KCNQ1OT1: variants seen among roughly 807,000 people sequenced by gnomAD.
KCNQ1OT1 encodes the protein KCNQ1 opposite strand/antisense transcript 1, also known as KCNQ1 antisense RNA 2 (non-protein coding).
In KCNQ1OT1 at chr11:2,644,427, G is replaced by C. The variant is rs141541247; in HGVS notation, n.55568C>G. On this transcript the variant is annotated non_coding_transcript_exon_variant, in exon 1 of 1. Transcript: ENST00000597346. ...TTATTCAATTCCAGAATATCTGTTT[G>C]GTTCTTTTTATATCTATCTCTTGGG... The C allele has an allele frequency of 1.4e-3, 565 of 398,030 alleles. 5 individuals carry two copies. The East Asian group carries it at 0.019, about 13-fold the overall frequency. The allele number at this position is 398,030 out of a possible 1,614,324, so 24.7% of individuals were successfully genotyped here.
In KCNQ1OT1 at chr11:2,661,510, G is replaced by A. The variant is rs1849955659; in HGVS notation, n.38485C>T. 4.3e-6 allele frequency: 2 copies of A among 464,478 alleles called. No homozygotes were observed. Among genetic ancestry groups the A allele is most frequent in the Admixed American group, 3.7e-5 (1 of 27,034 alleles). 28.8% of individuals were successfully genotyped at this position (464,478 alleles called of 1,614,324 possible). ...GGCTTGCCATTCCTCATGGGTCAGAGGTCCTATCACCCCATCTTTCCTGAC... is the reference window on the plus strand; with the variant it reads ...GGCTTGCCATTCCTCATGGGTCAGAAGTCCTATCACCCCATCTTTCCTGAC... On this transcript the variant is annotated non_coding_transcript_exon_variant, in exon 1 of 1. Coordinates refer to ENST00000597346, the Ensembl canonical transcript of KCNQ1OT1. The surrounding 1 kb of genome is among the most constrained non-coding windows in gnomAD (Gnocchi z 5.9).
At chr11:2,637,081 A>G (rs1396821873) in exon 1 of KCNQ1OT1, 5 of 151,202 alleles carry the variant, frequency 3.3e-5, no homozygotes, top group African/African-American at 1.2e-4. Flanking sequence ...TCTCTTCTTT[A>G]TTAGTCTTGC....
In KCNQ1OT1 at chr11:2,682,442, G is replaced by A. The variant is rs945080229; in HGVS notation, n.17553C>T. 7.5e-6 allele frequency: 3 copies of A among 398,324 alleles called. No individual in the cohort carries two copies. Among genetic ancestry groups the A allele is most frequent in the African/African-American group, 6.2e-5 (3 of 48,490 alleles). The allele number at this position is 398,324 out of a possible 1,614,324, so 24.7% of individuals were successfully genotyped here. Reference sequence around the variant, plus strand: ...TTTATCTTCAGTGCTTAATCCATATGGAGCCTGTCACGGACCCTCAGTGAA... The same window carrying A: ...TTTATCTTCAGTGCTTAATCCATATAGAGCCTGTCACGGACCCTCAGTGAA... On this transcript the variant is annotated non_coding_transcript_exon_variant, in exon 1 of 1. Transcript: ENST00000597346. This position sits in a 1 kb window ranked among gnomAD's most constrained non-coding sequence, Gnocchi z 5.8.
At chr11:2,628,881 C>G (rs577966646) in exon 1 of KCNQ1OT1, 2 of 398,280 alleles carry the variant, frequency 5.0e-6, no homozygotes, top group East Asian at 7.1e-5. Context: ...TACCCTTTCC[C>G]CATTGTGTAC....
Position 2,668,078 on chromosome 11 carries a change from C to T in KCNQ1OT1, n.31917G>A, listed in dbSNP as rs12294861. ...TTTATGCGGTGGGAATGATGCAACT[C>T]ATACACCTTTGTGTCCAATGTCCCT... is the stretch of plus-strand genomic sequence containing the variant. On this transcript the variant is annotated non_coding_transcript_exon_variant, in exon 1 of 1. Transcript: ENST00000597346. The surrounding 1 kb of genome is among the most constrained non-coding windows in gnomAD (Gnocchi z 4.3). The T allele has an allele frequency of 9.5e-5, 38 of 398,598 alleles. No individual in the cohort carries two copies. Among genetic ancestry groups the T allele is most frequent in the African/African-American group, 7.8e-4 (38 of 48,704 alleles). The allele number at this position is 398,598 out of a possible 1,614,324, so 24.7% of individuals were successfully genotyped here. A position where few individuals can be genotyped will look rare whatever the true frequency, so the allele number is the denominator to read the frequency against.
chr11:2,646,879 A>G (rs1849674254), exon 1 of KCNQ1OT1: 2 of 398,524 alleles, frequency 5.0e-6, no homozygotes, highest in Non-Finnish European at 8.8e-6. Flanking sequence ...TACCAGTTCT[A>G]AAAGATTTTG....
At chr11:2,629,857 G>A (rs1849324937) in exon 1 of KCNQ1OT1, 2 of 397,902 alleles carry the variant, frequency 5.0e-6, no homozygotes, top group African/African-American at 2.1e-5. Context: ...CATATATGAT[G>A]TCATCTGCAA....
At chr11:2,688,853 G>T (rs1218804666) in exon 1 of KCNQ1OT1, 8 of 398,924 alleles carry the variant, frequency 2.0e-5, no homozygotes, top group Non-Finnish European at 3.1e-5. Context: ...GGTGGAGAGG[G>T]CTGGGCCAGA....
chr11:2,660,046 A>T lies in KCNQ1OT1; in HGVS notation n.39949T>A, dbSNP rs906098841. ...CACAGCAAAAGCTTTTAATTTTGAT[A>T]AAGTCCAATTTGTTGATTCTTTTTC... On this transcript the variant is annotated non_coding_transcript_exon_variant, in exon 1 of 1. Coordinates refer to ENST00000597346, the Ensembl canonical transcript of KCNQ1OT1. 10 of 398,332 alleles carry T rather than the reference A, an allele frequency of 2.5e-5. 1 individual carries two copies. The highest frequency in any genetic ancestry group is 4.0e-5 in the Non-Finnish European group (9 of 225,978). The allele number at this position is 398,332 out of a possible 1,614,324, so 24.7% of individuals were successfully genotyped here. A position where few individuals can be genotyped will look rare whatever the true frequency, so the allele number is the denominator to read the frequency against.
At chr11:2,688,188 G>T (rs955573806) in exon 1 of KCNQ1OT1, 3 of 398,710 alleles carry the variant, frequency 7.5e-6, no homozygotes, top group African/African-American at 6.2e-5. Context: ...CCAAGCAAGG[G>T]GGCAGGAGGG....
chr11:2,635,541 A>G (rs1187890996), exon 1 of KCNQ1OT1: 3 of 152,028 alleles, frequency 2.0e-5, no homozygotes, highest in African/African-American at 7.3e-5. Flanking sequence ...ATTGGTCTAT[A>G]TCTCTGTTTT....
chr11:2,633,853 A>G (rs1220809874), exon 1 of KCNQ1OT1: 1 of 398,468 alleles, frequency 2.5e-6, no homozygotes, highest in Non-Finnish European at 4.4e-6. Flanking sequence ...GCCCTGTGTA[A>G]TGCGCATATA....
In KCNQ1OT1 at chr11:2,612,099, G is replaced by A; in HGVS notation, n.87896C>T. The A allele has an allele frequency of 2.5e-6, 1 of 398,568 alleles. No individual in the cohort carries two copies. The highest frequency in any genetic ancestry group is 4.4e-6 in the Non-Finnish European group (1 of 226,064). 24.7% of individuals were successfully genotyped at this position (398,568 alleles called of 1,614,324 possible). On this transcript the variant is annotated non_coding_transcript_exon_variant, in exon 1 of 1. Transcript: ENST00000597346. The surrounding 1 kb of genome is among the most constrained non-coding windows in gnomAD (Gnocchi z 5.5). ...ATTGTTACACATCCTGTTAGGACAG[G>A]GGTTCCCAACCCCAGGGCCATGGAC...
At chr11:2,681,718 A>G (rs1342558568) in exon 1 of KCNQ1OT1, 2 of 389,118 alleles carry the variant, frequency 5.1e-6, no homozygotes, top group Admixed American at 4.9e-5. Context: ...CTGTTCCTCT[A>G]TTCAGTATTG....
In KCNQ1OT1 at chr11:2,651,345, G is replaced by T; in HGVS notation, n.48650C>A. The T allele has an allele frequency of 2.5e-6, 1 of 398,748 alleles. No homozygotes were observed. Among genetic ancestry groups the T allele is most frequent in the South Asian group, 1.3e-4 (1 of 7,848 alleles). 24.7% of individuals were successfully genotyped at this position (398,748 alleles called of 1,614,324 possible). ...CTCAGAGTTCTACAAGCGGCTGAGA[G>T]AGCTGGGGTATTTATCTTTCACTAG... On this transcript the variant is annotated non_coding_transcript_exon_variant, in exon 1 of 1. Transcript: ENST00000597346. The surrounding 1 kb of genome is among the most constrained non-coding windows in gnomAD (Gnocchi z 6.1).
chr11:2,638,073 T>C (rs1236301485), exon 1 of KCNQ1OT1: 5 of 152,232 alleles, frequency 3.3e-5, no homozygotes, highest in Non-Finnish European at 7.3e-5. Context: ...TATGTGTGTC[T>C]CTGCACGTGA....
At position 2,683,295 on chromosome 11, in the gene KCNQ1OT1, G is replaced by T. The variant is rs964764696; in HGVS notation, n.16700C>A. The T allele has an allele frequency of 2.5e-6, 1 of 398,470 alleles. No individual in the cohort carries two copies. The highest frequency in any genetic ancestry group is 2.1e-5 in the African/African-American group (1 of 48,612). 24.7% of individuals were successfully genotyped at this position (398,470 alleles called of 1,614,324 possible). On this transcript the variant is annotated non_coding_transcript_exon_variant, in exon 1 of 1. Transcript: ENST00000597346. This position sits in a 1 kb window ranked among gnomAD's most constrained non-coding sequence, Gnocchi z 4.7. ...AGTATGGGCAATGGCGTTTTAGTTT[G>T]CAAAACCAGACACATAGAGGCCAGG...
exon 1 of KCNQ1OT1, chr11:2,616,571 C>A: frequency 2.5e-6 from 1 of 398,032 alleles, no homozygotes; most frequent in South Asian, 1.3e-4. Context: ...TCCCATAAGT[C>A]TGAGTATGTT....
At position 2,654,722 on chromosome 11, in the gene KCNQ1OT1, C is replaced by T; in HGVS notation, n.45273G>A. The T allele has an allele frequency of 2.5e-6, 1 of 398,630 alleles. No homozygotes were observed. The highest frequency in any genetic ancestry group is 2.1e-5 in the African/African-American group (1 of 48,668). The allele number at this position is 398,630 out of a possible 1,614,324, so 24.7% of individuals were successfully genotyped here. ...GCTGGACTTGGGGCTTGAATGCTGACCTAATCTGGGCAGGGAGGGGTCTGG... is the reference window on the plus strand; with the variant it reads ...GCTGGACTTGGGGCTTGAATGCTGATCTAATCTGGGCAGGGAGGGGTCTGG... On this transcript the variant is annotated non_coding_transcript_exon_variant, in exon 1 of 1. Transcript: ENST00000597346. This position sits in a 1 kb window ranked among gnomAD's most constrained non-coding sequence, Gnocchi z 6.4.
Sources: allele counts gnomAD v4.1 joint callset, GRCh38; gene constraint gnomAD v4.1.1; non-coding constraint Gnocchi (gnomAD v3.1); transcripts MANE v1.5; gene names NCBI Gene and HGNC (gene_info 2026-07-23, HGNC 2026-07-21).